The following PPOX variants were observed in gnomAD, a reference collection of about 807,000 sequenced individuals.
The protein encoded by PPOX is protoporphyrinogen oxidase, also known as variegate porphyria.
In PPOX, 23 loss-of-function variants were observed where a neutral mutation model predicts 54.1. The ratio of observed to expected loss-of-function variants is 0.43; its 90% CI spans 0.31 to 0.60. The LOEUF (loss-of-function observed/expected upper bound fraction) is 0.60. Among genes scored for constraint, PPOX ranks in the 20% least tolerant of loss-of-function variants. The pLI, the probability that PPOX is intolerant of heterozygous loss-of-function variation, is 0.13. For synonymous variants in PPOX, 224 were observed against 236.1 expected, an observed-to-expected ratio of 0.95 and a Z score of 0.47; for missense variants, 512 against 601.1, an observed-to-expected ratio of 0.85 and a Z score of 1.55.
chr1:161,167,053 C>T (rs2301287), intron 2 of PPOX, 47 bp from the exon 3 acceptor site: 48 of 1,613,734 alleles, frequency 3.0e-5, no homozygotes, highest in Admixed American at 1.5e-4. Flanking sequence ...TGACCTCTCG[C>T]CGGCGGCTAC....
intron 4 of PPOX, 126 bp from the exon 5 acceptor site, chr1:161,167,868 TC>T: frequency 6.7e-7 from 1 of 1,488,368 alleles, no homozygotes; most frequent in Non-Finnish European, 9.3e-7. Flanking sequence ...CGACCTGCCT[TC>T]CATTTCTTCA....
intron 5 of PPOX, 82 bp downstream of exon 5, chr1:161,168,209 C>A: frequency 6.2e-7 from 1 of 1,605,160 alleles, no homozygotes; most frequent in South Asian, 1.1e-5. Flanking sequence ...CACCTAGGGG[C>A]TCTTCTGTAT....
upstream of PPOX, chr1:161,166,234 G>T (rs767501489): frequency 1.0e-6 from 1 of 966,362 alleles, no homozygotes; most frequent in Non-Finnish European, 1.2e-6. Context: ...CGGTCCTGAG[G>T]AGGGCAGTGA....
At chr1:161,168,669 CT>C in intron 6 of PPOX, 93 bp downstream of exon 6, 1 of 1,517,104 alleles carries the variant, frequency 6.6e-7, no homozygotes, top group Non-Finnish European at 9.0e-7. Context: ...TTCTTTTTTT[CT>C]TTTTTGAGAC....
At chr1:161,169,266 A>G in intron 7 of PPOX, 83 bp downstream of exon 7, 1 of 1,495,708 alleles carries the variant, frequency 6.7e-7, no homozygotes, top group Non-Finnish European at 9.2e-7. Context: ...GGCCGATAGG[A>G]CTGGAGTTCC....
chr1:161,166,431 G>T lies in PPOX; in HGVS notation c.-250G>T. 1 of 1,148,058 alleles carries T rather than the reference G, an allele frequency of 8.7e-7. No homozygotes were observed. Among genetic ancestry groups the T allele is most frequent in the South Asian group, 2.1e-5 (1 of 46,538 alleles). 71.1% of individuals were successfully genotyped at this position (1,148,058 alleles called of 1,614,324 possible). On this transcript the variant is annotated 5_prime_UTR_variant, in exon 1 of 13. Transcript: ENST00000367999. ...GCGTGCCGCGAGAACAGAGTGGACG[G>T]AGCGTAGGAGAGACCGAAAAGGCTG...
downstream of PPOX, among the ~76,000 whole-genome samples, chr1:161,175,475 G>A (rs1663151300): frequency 6.6e-6 from 1 of 152,074 alleles, no homozygotes; most frequent in Non-Finnish European, 1.5e-5. Flanking sequence ...CTGTCTTACA[G>A]GGTTGGAAGC....
intron 8 of PPOX, 32 bp downstream of exon 8, chr1:161,169,752 C>T: frequency 1.2e-6 from 2 of 1,613,874 alleles, no homozygotes; most frequent in South Asian, 2.2e-5. Flanking sequence ...CCTTCCCCAA[C>T]CCCTACCAGT....
At position 161,171,163 on chromosome 1, in the gene PPOX, A is replaced by T. The variant is rs202103290; in HGVS notation, c.1421A>T (p.Glu474Val). ...GCAGCAGTCAGTGTCCTGGGCACAG[A>T]ACCTAACAGCTGATCCCCAACTCTC... Reference protein sequence around the residue: ...RQAAVSVLGTEPNS With the variant: ...RQAAVSVLGTVPNS The change falls in exon 13 of 13, where the codon GAA becomes GTA. Residue 474 changes from glutamate to valine, a missense_variant. Glu to Val is a moderately radical substitution (Grantham distance 121). Coordinates refer to ENST00000367999, the MANE Select transcript of PPOX (RefSeq NM_001122764.3). 24 of 1,613,404 alleles carry T rather than the reference A, an allele frequency of 1.5e-5. No homozygotes were observed. Among genetic ancestry groups the T allele is most frequent in the Non-Finnish European group, 1.9e-5 (22 of 1,180,040 alleles).
chr1:161,167,552 CTTTTCTT>C, intron 4 of PPOX, 66 bp downstream of exon 4: 4 of 573,732 alleles, frequency 7.0e-6, no homozygotes, highest in East Asian at 4.0e-5. Flanking sequence ...TTTCTTTCTT[CTTTTCTT>C]TTTTTTTTTT....
intron 3 of PPOX, 45 bp downstream of exon 3, chr1:161,167,279 T>C: frequency 6.2e-7 from 1 of 1,614,088 alleles, no homozygotes; most frequent in South Asian, 1.1e-5. Context: ...GGAGGGGGCT[T>C]CCATTGGGGA....
downstream of PPOX, chr1:161,172,313 C>T: frequency 6.2e-7 from 1 of 1,614,024 alleles, no homozygotes; most frequent in Non-Finnish European, 8.5e-7. Context: ...GAGAGATCTT[C>T]ATCCCAGCCA....
downstream of PPOX, chr1:161,177,313 C>T (rs1442624543): frequency 3.7e-6 from 2 of 546,250 alleles, no homozygotes; most frequent in African/African-American, 3.8e-5. Context: ...CACCTAGGAC[C>T]CCGTCCCTGC....
downstream of PPOX, among the ~76,000 whole-genome samples, chr1:161,173,326 C>G (rs183165723): frequency 3.7e-4 from 57 of 152,328 alleles, no homozygotes; most frequent in Admixed American, 1.0e-3. Context: ...ACTAAGCTGT[C>G]TCTGGGCCCC....
chr1:161,168,286 G>GT (rs1659837405), intron 5 of PPOX, 146 bp from the exon 6 acceptor site: 13 of 1,540,150 alleles, frequency 8.4e-6, no homozygotes, highest in Non-Finnish European at 1.1e-5. Flanking sequence ...ATTATTGGGA[G>GT]TGAAGGCCTT....
In PPOX at chr1:161,170,306, CAG is replaced by C. The variant is rs560557599; in HGVS notation, c.988-100_988-99del. The C allele has an allele frequency of 2.3e-5, 20 of 862,850 alleles. No homozygotes were observed. The South Asian group carries it at 2.4e-4, about 10-fold the overall frequency. 53.4% of individuals were successfully genotyped at this position (862,850 alleles called of 1,614,324 possible). The stretch of plus-strand genomic sequence containing the variant: ...CGCCATTACACTCCAGCCTGGGTGA[CAG>C]AGTGAGACTCTGTCCCCCCCACCCC... On this transcript the variant is annotated intron_variant, in intron 9 of 12. Transcript: ENST00000367999.
At chr1:161,173,507 A>C, downstream of PPOX, 1 of 1,547,430 alleles carries the variant, frequency 6.5e-7, no homozygotes, top group Non-Finnish European at 8.9e-7. Context: ...AGGACCAGGG[A>C]GCTAAAGGTT....
rs1661012592 is a variant in PPOX, at chr1:161,170,636, C to A, written c.1115C>A (p.Ser372Tyr). 6.2e-7 allele frequency: 1 copy of A among 1,614,210 alleles called. No individual in the cohort carries two copies. The highest frequency in any genetic ancestry group is 8.5e-7 in the Non-Finnish European group (1 of 1,180,050). Residue 372 changes from serine (S) to tyrosine (Y), a missense_variant, in exon 11 of 13, where the codon TCC (serine) becomes TAC (tyrosine). Transcript: ENST00000367999. ...GLRVTVMLGG[S>Y]WLQTLEASGC... ...CCTCCTTAGGTGATGCTGGGAGGTT[C>A]CTGGTTACAGACACTGGAGGCTAGT...
chr1:161,172,886 CGAAA>C (rs1270772566), downstream of PPOX, among the ~76,000 whole-genome samples: 4 of 144,454 alleles, frequency 2.8e-5, no homozygotes, highest in Non-Finnish European at 6.0e-5. Flanking sequence ...AAAAAAAAAA[CGAAA>C]GAAAGAAAAG....
Sources: allele counts gnomAD v4.1 joint callset (sites outside exome capture counted in the v4.1 genomes callset), GRCh38; gene constraint gnomAD v4.1.1; transcripts MANE v1.5; gene names NCBI Gene and HGNC (gene_info 2026-07-23, HGNC 2026-07-21).